KCNQ2: variants seen among roughly 807,000 people sequenced by gnomAD.
The protein encoded by KCNQ2 is potassium voltage-gated channel subfamily KQT member 2.
KCNQ2 carries 14 observed loss-of-function variants against 84.8 expected under a neutral mutation model. The observed-to-expected ratio is 0.17, with a 90% CI of 0.11 to 0.26. KCNQ2 has a LOEUF of 0.26. Ranked by LOEUF, KCNQ2 falls within the 10% of genes least tolerant of loss-of-function variation. The probability of loss-of-function intolerance (pLI) is 1.00; values close to 1 mark genes in which losing one functional copy is unlikely to be tolerated. For synonymous variants in KCNQ2, 599 were observed against 554.1 expected (o/e 1.08, Z -1.14); for missense variants, 788 against 1,254.0 (o/e 0.63, Z 5.61).
chr20:63,400,811 C>T lies in KCNQ2; in HGVS notation c.*5833G>A, dbSNP rs949330825. The T allele has an allele frequency of 1.5e-5, 6 of 398,502 alleles. 1 individual carries two copies. Among genetic ancestry groups the T allele is most frequent in the Admixed American group, 4.4e-5 (1 of 22,744 alleles). The allele number at this position is 398,502 out of a possible 1,614,324, so 24.7% of individuals were successfully genotyped here. ...AGTGCGAGACCCCTCCGTGAGACCCCTCCTGCCCTGCGCGTGTCTCTGGAG... is the reference window on the plus strand; with the variant it reads ...AGTGCGAGACCCCTCCGTGAGACCCTTCCTGCCCTGCGCGTGTCTCTGGAG... On this transcript the variant is annotated 3_prime_UTR_variant, in exon 17 of 17. Coordinates refer to ENST00000359125, the MANE Select transcript of KCNQ2 (RefSeq NM_172107.4). This position sits in a 1 kb window ranked among gnomAD's most constrained non-coding sequence, Gnocchi z 8.7.
At chr20:63,443,022 CCATCA>C (rs2081265040) in intron 4 of KCNQ2, among the ~76,000 whole-genome samples, 1 of 61,252 alleles carries the variant, frequency 1.6e-5, no homozygotes. Context: ...ATCACCACCA[CCATCA>C]CATCACCACC....
chr20:63,433,733 A>G (rs777770757), intron 8 of KCNQ2, 76 bp downstream of exon 8: 8 of 1,611,044 alleles, frequency 5.0e-6, no homozygotes, highest in Non-Finnish European at 6.8e-6. Context: ...AATGAACAAC[A>G]AAAAGTGGGG....
chr20:63,428,116 G>C (rs963120405), intron 10 of KCNQ2, among the ~76,000 whole-genome samples: 1 of 152,130 alleles, frequency 6.6e-6, no homozygotes, highest in Non-Finnish European at 1.5e-5. Context: ...CAGAGCCCCC[G>C]GCCCCATATC....
At chr20:63,412,187 A>G in intron 15 of KCNQ2, 2 of 322,588 alleles carry the variant, frequency 6.2e-6, no homozygotes, top group Non-Finnish European at 5.7e-6. Context: ...GGTACCAGAC[A>G]GGCCGCGGCG....
At chr20:63,467,191 C>T (rs1406293315) in intron 1 of KCNQ2, among the ~76,000 whole-genome samples, 4 of 152,308 alleles carry the variant, frequency 2.6e-5, no homozygotes, top group Non-Finnish European at 4.4e-5. Flanking sequence ...CCTCCCCTGC[C>T]TCTGGGCAAG....
At chr20:63,430,961 C>A (rs2080770321) in intron 9 of KCNQ2, among the ~76,000 whole-genome samples, 1 of 152,160 alleles carries the variant, frequency 6.6e-6, no homozygotes, top group African/African-American at 2.4e-5. Flanking sequence ...CTGCTCTGCT[C>A]ACAGATGGGG....
chr20:63,428,501 G>T, intron 9 of KCNQ2, 66 bp from the exon 10 acceptor site: 1 of 1,341,870 alleles, frequency 7.5e-7, no homozygotes, highest in Non-Finnish European at 1.0e-6. Flanking sequence ...ACCTCCCTCT[G>T]CTTGCACAGC....
chr20:63,452,223 AG>A (rs2081634585), intron 1 of KCNQ2, among the ~76,000 whole-genome samples: 1 of 152,236 alleles, frequency 6.6e-6, no homozygotes, highest in South Asian at 2.1e-4. Flanking sequence ...CAGCATCTCT[AG>A]CGTGAGCCCA....
rs766273173 is a variant in KCNQ2 at position 63,407,196 on chromosome 20, G to A, written c.2067C>T (p.Ile689=). Residue 689 remains isoleucine (I), a synonymous_variant, in exon 17 of 17, where the codon ATC becomes ATT. Coordinates refer to ENST00000359125, the MANE Select transcript of KCNQ2 (RefSeq NM_172107.4). The surrounding 1 kb of genome is among the most constrained non-coding windows in gnomAD (Gnocchi z 7.2). The stretch of plus-strand genomic sequence containing the variant: ...GGCCCGTGGAGCTGCTGGAGCGCAC[G>A]ATCTTGACAATGCAGCCGTGCCTGT... ...HVDRHGCIVK[I]VRSSSSTGQK... is the part of the protein sequence containing the mutation. The A allele has an allele frequency of 2.8e-5, 45 of 1,606,088 alleles. No individual in the cohort carries two copies. Among genetic ancestry groups the A allele is most frequent in the Middle Eastern group, 1.6e-4 (1 of 6,082 alleles).
At chr20:63,431,758 G>A (rs543229630) in intron 8 of KCNQ2, among the ~76,000 whole-genome samples, 3 of 152,178 alleles carry the variant, frequency 2.0e-5, no homozygotes, top group African/African-American at 7.2e-5. Context: ...GACTGCCGCG[G>A]GTCTGTCCAC....
chr20:63,456,820 T>C (rs1166396184), intron 1 of KCNQ2, among the ~76,000 whole-genome samples: 1 of 152,112 alleles, frequency 6.6e-6, no homozygotes, highest in African/African-American at 2.4e-5. Flanking sequence ...GCAGCCTCCT[T>C]AGGCAGAAAT....
rs2081922316 is a variant in KCNQ2, at chr20:63,460,535, T to A, written c.296+11633A>T. 6.6e-6 allele frequency among the ~76,000 whole-genome samples: 1 copy of A among 150,394 alleles called. No homozygotes were observed. Among genetic ancestry groups the A allele is most frequent in the African/African-American group, 2.5e-5 (1 of 40,546 alleles). ...GCTGGTCCACGGCTCACAGCTCCAG[T>A]CCCTGGCCCCCTACAAACGTCCTAG... is the stretch of plus-strand genomic sequence containing the variant. On this transcript the variant is annotated intron_variant, in intron 1 of 16. Transcript: ENST00000359125. The surrounding 1 kb of genome is among the most constrained non-coding windows in gnomAD (Gnocchi z 5.4).
At chr20:63,469,068 G>A (rs1364487766) in intron 1 of KCNQ2, among the ~76,000 whole-genome samples, 1 of 152,236 alleles carries the variant, frequency 6.6e-6, no homozygotes, top group Non-Finnish European at 1.5e-5. Flanking sequence ...GGACGAGGAG[G>A]TTCAACTCCG....
At chr20:63,417,801 AC>A (rs1414872273) in intron 12 of KCNQ2, among the ~76,000 whole-genome samples, 2 of 152,128 alleles carry the variant, frequency 1.3e-5, no homozygotes, top group African/African-American at 4.8e-5. Context: ...GCTGACCACG[AC>A]AAGGAGCCAC....
At chr20:63,435,070 A>C (rs78665256) in intron 7 of KCNQ2, among the ~76,000 whole-genome samples, 19,124 of 152,176 alleles carry the variant, frequency 0.13, 1,395 homozygotes, top group African/African-American at 0.19. Flanking sequence ...GGCGGTGTCC[A>C]CACATCCTCA....
intron 1 of KCNQ2, among the ~76,000 whole-genome samples, chr20:63,457,228 G>A (rs953077790): frequency 2.0e-5 from 3 of 152,246 alleles, no homozygotes; most frequent in Non-Finnish European, 4.4e-5. Flanking sequence ...GACCTCTCGC[G>A]TGGAGCCGCC....
intron 7 of KCNQ2, chr20:63,434,139 G>C: frequency 3.6e-6 from 2 of 552,368 alleles, no homozygotes; most frequent in Non-Finnish European, 6.4e-6. Context: ...AAGGAGGGGA[G>C]CGGTTGGGGC....
rs2080022267 is a variant in KCNQ2 at position 63,408,662 on chromosome 20, G to A, written c.1764-126C>T. The stretch of plus-strand genomic sequence containing the variant: ...GCAGGCTCAGCCCAGAGCCGACCAG[G>A]GGGCAGTGGGTGCCAGGACAGATGG... On this transcript the variant is annotated intron_variant, in intron 15 of 16. Coordinates refer to ENST00000359125, the MANE Select transcript of KCNQ2 (RefSeq NM_172107.4). This position sits in a 1 kb window ranked among gnomAD's most constrained non-coding sequence, Gnocchi z 5.0. 7.0e-7 allele frequency: 1 copy of A among 1,421,644 alleles called. No homozygotes were observed. Among genetic ancestry groups the A allele is most frequent in the Middle Eastern group, 1.7e-4 (1 of 5,762 alleles). 88.1% of individuals were successfully genotyped at this position (1,421,644 alleles called of 1,614,324 possible).
intron 8 of KCNQ2, 97 bp from the exon 9 acceptor site, chr20:63,431,466 T>C: frequency 1.5e-6 from 2 of 1,357,482 alleles, no homozygotes; most frequent in Non-Finnish European, 2.1e-6. Context: ...TTGAGGAAAG[T>C]AGGGGAAACA....
Sources: gnomAD v4.1 joint callset for allele counts (sites outside exome capture counted in the v4.1 genomes callset) on GRCh38, gnomAD v4.1.1 for gene constraint, Gnocchi (gnomAD v3.1) non-coding constraint, MANE v1.5 for transcripts, NCBI Gene and HGNC (gene_info 2026-07-23, HGNC 2026-07-21) for gene names.